CDC42SE2: variants seen among roughly 807,000 people sequenced by gnomAD.
CDC42SE2 encodes the protein CDC42 small effector protein 2.
Under a neutral mutation model 11.5 loss-of-function variants are expected in CDC42SE2, and 3 were observed. The observed-to-expected ratio is 0.26, with a 90% CI of 0.12 to 0.67. The LOEUF is 0.67. Among genes scored for constraint, CDC42SE2 ranks in the 30% least tolerant of loss-of-function variants. The pLI is 0.80. For missense variants in CDC42SE2, 82 were observed against 106.8 expected, an observed-to-expected ratio of 0.77 and a Z score of 1.02; for synonymous variants, 33 against 34.8, an observed-to-expected ratio of 0.95 and a Z score of 0.18.
intron 2 of CDC42SE2, among the ~76,000 whole-genome samples, chr5:131,321,103 A>G (rs73786646): frequency 6.6e-6 from 1 of 152,202 alleles, no homozygotes; most frequent in African/African-American, 2.4e-5. Context: ...ACATCTGCCA[A>G]ATTTAAAATG....
At chr5:131,210,841 C>A in the CDC42SE2 span, among the ~76,000 whole-genome samples, 1 of 152,102 alleles carries the variant, frequency 6.6e-6, no homozygotes, top group African/African-American at 2.4e-5. Context: ...ACTCTCTAGT[C>A]TTTTTTTGTG....
intron 1 of CDC42SE2, chr5:131,255,082 A>C (rs558463169): frequency 1.3e-5 from 2 of 152,248 alleles, no homozygotes; most frequent in African/African-American, 4.8e-5. Flanking sequence ...TCATTTATTT[A>C]TGTTTATTTT....
chr5:131,366,349 A>G (rs551351302), intron 3 of CDC42SE2, among the ~76,000 whole-genome samples: 1 of 152,224 alleles, frequency 6.6e-6, no homozygotes, highest in African/African-American at 2.4e-5. Flanking sequence ...CCCTTAACCA[A>G]TTAGGAACTG....
At chr5:131,335,285 G>A (rs1232026678) in intron 2 of CDC42SE2, among the ~76,000 whole-genome samples, 1 of 152,204 alleles carries the variant, frequency 6.6e-6, no homozygotes, top group Non-Finnish European at 1.5e-5. Flanking sequence ...TTTTGAGTGA[G>A]TTTCTTAATC....
intron 1 of CDC42SE2, among the ~76,000 whole-genome samples, chr5:131,277,872 C>T (rs1757135740): frequency 6.6e-6 from 1 of 152,118 alleles, no homozygotes; most frequent in African/African-American, 2.4e-5. Context: ...ATTTTTATGA[C>T]AGTAGGGACT....
intron 1 of CDC42SE2, among the ~76,000 whole-genome samples, chr5:131,309,579 A>G (rs1757856141): frequency 1.3e-5 from 2 of 150,074 alleles, no homozygotes; most frequent in African/African-American, 4.9e-5. Context: ...CTGGTCCTGG[A>G]CTCTTTTTGT....
chr5:131,334,522 A>AT (rs1758506311), intron 2 of CDC42SE2, among the ~76,000 whole-genome samples: 1 of 152,122 alleles, frequency 6.6e-6, no homozygotes, highest in South Asian at 2.1e-4. Flanking sequence ...ATTGATTGGA[A>AT]TAGTTTCAGA....
intron 2 of CDC42SE2, among the ~76,000 whole-genome samples, chr5:131,351,509 C>T (rs772387684): frequency 2.0e-5 from 3 of 152,206 alleles, no homozygotes; most frequent in Non-Finnish European, 4.4e-5. Flanking sequence ...CCGCCTTGGC[C>T]TCCCAAAGTG....
intron 3 of CDC42SE2, among the ~76,000 whole-genome samples, chr5:131,379,583 T>A (rs1304094270): frequency 1.3e-5 from 2 of 152,214 alleles, no homozygotes; most frequent in East Asian, 3.8e-4. Flanking sequence ...CTCCAAATTG[T>A]TTAGTTCATT....
At chr5:131,323,948 G>T (rs1465445039) in intron 2 of CDC42SE2, among the ~76,000 whole-genome samples, 1 of 152,096 alleles carries the variant, frequency 6.6e-6, no homozygotes, top group Admixed American at 6.5e-5. Context: ...AAATGGAAAG[G>T]AATGTAAATT....
intron 3 of CDC42SE2, among the ~76,000 whole-genome samples, chr5:131,381,312 GTTTTTTTTTGTT>G (rs1189126651): frequency 2.9e-4 from 43 of 148,686 alleles, no homozygotes; most frequent in East Asian, 5.9e-4. Context: ...ACCAAGTGCT[GTTTTTTTTTGTT>G]TTTTTTTTTG....
rs1421897939 is a variant in CDC42SE2 at position 131,254,233 on chromosome 5, C to T, written n.108-862C>T. Among the ~76,000 whole-genome samples the T allele has an allele frequency of 2.0e-5, 3 of 152,070 alleles. No homozygotes were observed. The East Asian group carries it at 5.8e-4, about 29-fold the overall frequency. ...CCCTGGGGCACACCACAGATTTTTT[C>T]ACATGTGTATAGAAATAATAAGTCT... On this transcript the variant is annotated intron_variant and non_coding_transcript_variant, in intron 1 of 3. Transcript: ENST00000502840.
chr5:131,364,762 C>G (rs949691581), intron 3 of CDC42SE2, among the ~76,000 whole-genome samples: 1 of 152,146 alleles, frequency 6.6e-6, no homozygotes, highest in Non-Finnish European at 1.5e-5. Context: ...GCTTTTCTTT[C>G]TGCCATTTGT....
At chr5:131,336,057 C>T (rs1268081689) in intron 2 of CDC42SE2, among the ~76,000 whole-genome samples, 1 of 152,156 alleles carries the variant, frequency 6.6e-6, no homozygotes, top group African/African-American at 2.4e-5. Context: ...CAGTTTCTTC[C>T]TAGCCTTGAT....
At chr5:131,315,932 T>C (rs903295019) in intron 1 of CDC42SE2, 44 bp from the exon 2 acceptor site, 2 of 152,294 alleles carry the variant, frequency 1.3e-5, no homozygotes, top group Non-Finnish European at 2.9e-5. Context: ...GGGGAATTGC[T>C]CTCTGTAGCT....
chr5:131,312,779 A>G (rs1443787763), intron 1 of CDC42SE2, among the ~76,000 whole-genome samples: 3 of 152,050 alleles, frequency 2.0e-5, no homozygotes, highest in East Asian at 1.9e-4. Context: ...GAGTGAGGCA[A>G]TGCCTCGCCC....
intron 1 of CDC42SE2, among the ~76,000 whole-genome samples, chr5:131,305,248 A>T (rs192095959): frequency 1.3e-3 from 203 of 152,284 alleles, no homozygotes; most frequent in Admixed American, 3.1e-3. Flanking sequence ...TCTCCAGTTG[A>T]TGAATTGTTT....
the CDC42SE2 span, among the ~76,000 whole-genome samples, chr5:131,237,454 T>G: frequency 3.9e-5 from 6 of 152,246 alleles, no homozygotes; most frequent in African/African-American, 7.2e-5. Flanking sequence ...TCTTTATATC[T>G]GAGGTATTTT....
In CDC42SE2 at chr5:131,346,675, T is replaced by G. The variant is rs550126717; in HGVS notation, c.-285-12534T>G. 9.6e-4 allele frequency among the ~76,000 whole-genome samples: 146 copies of G among 152,254 alleles called. 2 individuals are homozygous for G. Among genetic ancestry groups the G allele is most frequent in the South Asian group, 1.5e-3 (7 of 4,820 alleles). Reference sequence around the variant, plus strand: ...AACCTAATAGACATCTACAGAACTCTCCACCCCAAATCAACAGAATATACA... The same window carrying G: ...AACCTAATAGACATCTACAGAACTCGCCACCCCAAATCAACAGAATATACA... On this transcript the variant is annotated intron_variant, in intron 2 of 4. Coordinates refer to ENST00000505065, the MANE Select transcript of CDC42SE2 (RefSeq NM_001375635.1).
Sources: allele counts gnomAD v4.1 joint callset (sites outside exome capture counted in the v4.1 genomes callset), GRCh38; gene constraint gnomAD v4.1.1; transcripts MANE v1.5; gene names NCBI Gene and HGNC (gene_info 2026-07-23, HGNC 2026-07-21).